Variants in BTBD6 observed in about 807,000 individuals in gnomAD.
BTBD6 encodes the protein BTB/POZ domain-containing protein 6.
A neutral mutation model predicts 40.6 loss-of-function variants in BTBD6; 30 were observed. The observed-to-expected ratio is 0.74, with a 90% CI of 0.55 to 1.00. BTBD6 has a LOEUF of 1.00. Ranked by LOEUF, BTBD6 falls within the 50% of genes least tolerant of loss-of-function variation. The probability of loss-of-function intolerance (pLI) is 0.00; values close to 1 mark genes in which losing one functional copy is unlikely to be tolerated. For missense variants in BTBD6, 698 were observed against 694.6 expected, an observed-to-expected ratio of 1.00 and a Z score of -0.06; for synonymous variants, 378 against 308.7, an observed-to-expected ratio of 1.22 and a Z score of -2.35.
In BTBD6 at chr14:105,249,217, G is replaced by T. The variant is rs770427024; in HGVS notation, c.435G>T (p.Pro145=). 1.3e-6 allele frequency: 2 copies of T among 1,587,348 alleles called. No individual in the cohort carries two copies. Among genetic ancestry groups the T allele is most frequent in the Non-Finnish European group, 1.7e-6 (2 of 1,173,414 alleles). ...ACGTGCACTTCGTCGTGGGGCCCCC[G>T]GGGGCGACCAGGACGGTGCCCGCCC... The part of the protein sequence containing the change: ...MADVHFVVGP[P]GATRTVPAHK... Residue 145 remains proline, a synonymous_variant, in exon 2 of 4, where the codon CCG becomes CCT. Transcript: ENST00000392554.
rs2140290366 is a variant in BTBD6, at chr14:105,249,734, G to A, written c.679G>A (p.Ala227Thr). The A allele has an allele frequency of 1.2e-6, 2 of 1,613,932 alleles. No homozygotes were observed. Among genetic ancestry groups the A allele is most frequent in the Non-Finnish European group, 1.7e-6 (2 of 1,180,026 alleles). Residue 227 changes from alanine (A) to threonine (T), a missense_variant, in exon 4 of 4, where the codon GCC (alanine) becomes ACC (threonine). Physicochemically the swap from Ala to Thr is moderately conservative, Grantham distance 58. Coordinates refer to ENST00000392554, the MANE Select transcript of BTBD6 (RefSeq NM_001387567.1). ...KKYIVPALAK[A>T]CVNFLETSLE... ...GTACATCGTCCCAGCATTGGCAAAA[G>A]CCTGTGTCAACTTTCTGGAGACAAG... is the stretch of plus-strand genomic sequence containing the variant.
chr14:105,250,141 C>G lies in BTBD6; in HGVS notation c.1086C>G (p.His362Gln), dbSNP rs1373733759. 3 of 1,613,012 alleles carry G rather than the reference C, an allele frequency of 1.9e-6. No individual in the cohort carries two copies. The highest frequency in any genetic ancestry group is 4.5e-5 in the East Asian group (2 of 44,884). ...ACATCCTGACTCTGGAGGAGACCCACAGCATCTTCCTGTGGTACACGGCCA... is the reference window on the plus strand; with the variant it reads ...ACATCCTGACTCTGGAGGAGACCCAGAGCATCTTCCTGTGGTACACGGCCA... ...QSDILTLEET[H>Q]SIFLWYTATN... The change falls in exon 4 of 4, where the codon CAC (histidine) becomes CAG (glutamine). Residue 362 changes from histidine to glutamine, a missense_variant. Transcript: ENST00000392554.
In BTBD6 at chr14:105,249,942, C is replaced by G. The variant is rs2140291976; in HGVS notation, c.887C>G (p.Thr296Ser). 1.2e-6 allele frequency: 2 copies of G among 1,611,858 alleles called. No homozygotes were observed. Among genetic ancestry groups the G allele is most frequent in the East Asian group, 4.5e-5 (2 of 44,882 alleles). The change falls in exon 4 of 4, where the codon ACC (threonine) becomes AGC (serine). Residue 296 changes from threonine (T) to serine (S), a missense_variant. Transcript: ENST00000392554. ...ATTGTCACTCGGGAGGCCCTCAACA[C>G]CAAAGAGGCGGTGGTCTTCGAGGCC... is the stretch of plus-strand genomic sequence containing the variant. ...EIIVTREALNTKEAVVFEAVL... is the reference protein window; with the variant it reads ...EIIVTREALNSKEAVVFEAVL...
In BTBD6 at chr14:105,248,597, C is replaced by A. The variant is rs1394309835; in HGVS notation, c.-115C>A. 3 of 951,604 alleles carry A rather than the reference C, an allele frequency of 3.2e-6. No homozygotes were observed. The highest frequency in any genetic ancestry group is 4.8e-5 in the South Asian group (1 of 20,908). The allele number at this position is 951,604 out of a possible 1,614,324, so 58.9% of individuals were successfully genotyped here. A position where few individuals can be genotyped will look rare whatever the true frequency, so the allele number is the denominator to read the frequency against. The stretch of plus-strand genomic sequence containing the variant: ...GGCGGGCGGGCGGGCGGGACGGCGC[C>A]CCCCGCGGCCGGGCCTGGCCGGGCT... On this transcript the variant is annotated 5_prime_UTR_variant, in exon 1 of 4. Transcript: ENST00000392554.
In BTBD6 at chr14:105,248,668, G is replaced by T; in HGVS notation, c.-44G>T. On this transcript the variant is annotated 5_prime_UTR_variant, in exon 1 of 4. Transcript: ENST00000392554. ...AGGGTCGCAGGGGCGGGGGTGGCAG[G>T]GGAGCGGGTGGCAGCCCCGCGGGTC... The T allele has an allele frequency of 1.0e-6, 1 of 981,474 alleles. No individual in the cohort carries two copies. Among genetic ancestry groups the T allele is most frequent in the African/African-American group, 1.8e-5 (1 of 56,882 alleles). 60.8% of individuals were successfully genotyped at this position (981,474 alleles called of 1,614,324 possible).
chr14:105,248,982 CCCGCGCCAGCGCCG>C lies in BTBD6; in HGVS notation c.276_289del (p.Pro93AlafsTer82). ...CGGGCCGCGCAGCCCGCCCAGCGCC[CCCGCGCCAGCGCCG>C]CCGCCGCCCGCGCCCGCGCCGCCCA... is the stretch of plus-strand genomic sequence containing the variant. On this transcript the variant is annotated frameshift_variant, in exon 1 of 4. Transcript: ENST00000392554. LOFTEE classifies it high-confidence loss of function. 5.1e-6 allele frequency: 5 copies of C among 986,472 alleles called. No homozygotes were observed. Among genetic ancestry groups the C allele is most frequent in the Non-Finnish European group, 6.0e-6 (5 of 831,556 alleles). 61.1% of individuals were successfully genotyped at this position (986,472 alleles called of 1,614,324 possible).
In BTBD6 at chr14:105,249,034, A is replaced by G; in HGVS notation, c.323A>G (p.Asn108Ser). ...PAPAPPTLGN[N>S]HQESPGWRCC... ...CCCGCGCCGCCCACACTCGGCAACA[A>G]CCACCAGGAGAGCCCCGGCTGGCGG... Residue 108 changes from asparagine to serine, a missense_variant, in exon 1 of 4, where the codon AAC (asparagine) becomes AGC (serine). Coordinates refer to ENST00000392554, the MANE Select transcript of BTBD6 (RefSeq NM_001387567.1). 1 of 1,213,144 alleles carries G rather than the reference A, an allele frequency of 8.2e-7. No individual in the cohort carries two copies. Among genetic ancestry groups the G allele is most frequent in the Non-Finnish European group, 1.0e-6 (1 of 979,882 alleles). 75.1% of individuals were successfully genotyped at this position (1,213,144 alleles called of 1,614,324 possible). A position where few individuals can be genotyped will look rare whatever the true frequency, so the allele number is the denominator to read the frequency against.
chr14:105,248,928 A>C lies in BTBD6; in HGVS notation c.217A>C (p.Asn73His). Residue 73 changes from asparagine to histidine, a missense_variant, in exon 1 of 4, where the codon AAC (asparagine) becomes CAC (histidine). By Grantham distance (68) the Asn-to-His change is moderately conservative. Transcript: ENST00000392554. ...SAAAADLANS[N>H]AGAAVGRKAG... ...CGCGGCCGCGGACCTAGCCAACAGC[A>C]ACGCCGGCGCCGCCGTGGGCAGGAA... The C allele has an allele frequency of 6.1e-6, 6 of 982,820 alleles. No individual in the cohort carries two copies. The highest frequency in any genetic ancestry group is 7.2e-6 in the Non-Finnish European group (6 of 830,844). 60.9% of individuals were successfully genotyped at this position (982,820 alleles called of 1,614,324 possible).
Position 105,250,483 on chromosome 14 carries a change from G to C in BTBD6, c.1428G>C (p.Gln476His). ...CGGTCTGGTTTGAACACCCGGTCCA[G>C]GTTGAACAAGACACCTTCTACACGG... ...TFPVWFEHPV[Q>H]VEQDTFYTAS... is the part of the protein sequence containing the mutation. Residue 476 changes from glutamine to histidine, a missense_variant, in exon 4 of 4, where the codon CAG becomes CAC. Physicochemically the swap from Gln to His is conservative, Grantham distance 24. Transcript: ENST00000392554. The C allele has an allele frequency of 6.2e-7, 1 of 1,614,036 alleles. No individual in the cohort carries two copies. Among genetic ancestry groups the C allele is most frequent in the South Asian group, 1.1e-5 (1 of 91,082 alleles).
Position 105,250,723 on chromosome 14 carries a change from A to C in BTBD6, c.*51A>C. 6.5e-7 allele frequency: 1 copy of C among 1,536,762 alleles called. No individual in the cohort carries two copies. Among genetic ancestry groups the C allele is most frequent in the East Asian group, 2.3e-5 (1 of 44,156 alleles). On this transcript the variant is annotated 3_prime_UTR_variant, in exon 4 of 4. Transcript: ENST00000392554. ...CAGCGAGTGAGTGGAGGGGAAGTCA[A>C]GATGCTAACTGCTTCTTGACACCAT...
At position 105,250,135 on chromosome 14, in the gene BTBD6, G is replaced by C; in HGVS notation, c.1080G>C (p.Glu360Asp). 6.2e-7 allele frequency: 1 copy of C among 1,613,002 alleles called. No homozygotes were observed. The highest frequency in any genetic ancestry group is 8.5e-7 in the Non-Finnish European group (1 of 1,180,044). Residue 360 changes from glutamate (E) to aspartate (D), a missense_variant, in exon 4 of 4, where the codon GAG (glutamate) becomes GAC (aspartate). By Grantham distance (45) the Glu-to-Asp change is conservative. Transcript: ENST00000392554. ...AGTCAGACATCCTGACTCTGGAGGAGACCCACAGCATCTTCCTGTGGTACA... is the reference window on the plus strand; with the variant it reads ...AGTCAGACATCCTGACTCTGGAGGACACCCACAGCATCTTCCTGTGGTACA... ...AAQSDILTLE[E>D]THSIFLWYTA...
Position 105,248,653 on chromosome 14 carries a change from G to T in BTBD6, c.-59G>T. On this transcript the variant is annotated 5_prime_UTR_variant, in exon 1 of 4. Coordinates refer to ENST00000392554, the MANE Select transcript of BTBD6 (RefSeq NM_001387567.1). ...AGGCTGGGCTCGGGCAGGGTCGCAG[G>T]GGCGGGGGTGGCAGGGGAGCGGGTG... 1 of 980,826 alleles carries T rather than the reference G, an allele frequency of 1.0e-6. No individual in the cohort carries two copies. The highest frequency in any genetic ancestry group is 1.8e-5 in the African/African-American group (1 of 56,798). 60.8% of individuals were successfully genotyped at this position (980,826 alleles called of 1,614,324 possible).
In BTBD6 at chr14:105,250,765, C is replaced by CT. The variant is rs1207118524; in HGVS notation, c.*96dup. 1.1e-5 allele frequency: 14 copies of CT among 1,274,776 alleles called. No individual in the cohort carries two copies. Among genetic ancestry groups the CT allele is most frequent in the Non-Finnish European group, 1.3e-5 (12 of 924,356 alleles). The allele number at this position is 1,274,776 out of a possible 1,614,324, so 79.0% of individuals were successfully genotyped here. A position where few individuals can be genotyped will look rare whatever the true frequency, so the allele number is the denominator to read the frequency against. On this transcript the variant is annotated 3_prime_UTR_variant, in exon 4 of 4. Coordinates refer to ENST00000392554, the MANE Select transcript of BTBD6 (RefSeq NM_001387567.1). Reference sequence around the variant, plus strand: ...TGACACCATGAAAGGCTGCTCTTAACTTTGTCTCTCTTTGACATGTAGTCA... The same window carrying CT: ...TGACACCATGAAAGGCTGCTCTTAACTTTTGTCTCTCTTTGACATGTAGTCA...
intron 3 of BTBD6, 52 bp from the exon 4 acceptor site, chr14:105,249,588 C>T: frequency 6.3e-7 from 1 of 1,585,984 alleles, no homozygotes; most frequent in African/African-American, 1.3e-5. Context: ...AGGCCCAGCC[C>T]CGCGATGGGT....
Position 105,249,729 on chromosome 14 carries a change from C to G in BTBD6, c.674C>G (p.Ala225Gly). Residue 225 changes from alanine (A) to glycine (G), a missense_variant, in exon 4 of 4, where the codon GCA becomes GGA. By Grantham distance (60) the Ala-to-Gly change is moderately conservative. Transcript: ENST00000392554. ...AAKKYIVPALAKACVNFLETS... is the reference protein window; with the variant it reads ...AAKKYIVPALGKACVNFLETS... ...AAGAAGTACATCGTCCCAGCATTGG[C>G]AAAAGCCTGTGTCAACTTTCTGGAG... The G allele has an allele frequency of 6.2e-7, 1 of 1,613,906 alleles. No homozygotes were observed.
Position 105,249,760 on chromosome 14 carries a change from T to C in BTBD6, c.705T>C (p.Ser235=). Residue 235 remains serine, a synonymous_variant, in exon 4 of 4, where the codon AGT becomes AGC. Coordinates refer to ENST00000392554, the MANE Select transcript of BTBD6 (RefSeq NM_001387567.1). ...CCTGTGTCAACTTTCTGGAGACAAGTTTGGAAGCCAAGAACGCCTGCGTCC... is the reference window on the plus strand; with the variant it reads ...CCTGTGTCAACTTTCTGGAGACAAGCTTGGAAGCCAAGAACGCCTGCGTCC... ...AKACVNFLET[S]LEAKNACVLL... 3 of 1,613,894 alleles carry C rather than the reference T, an allele frequency of 1.9e-6. No individual in the cohort carries two copies. In the South Asian group the frequency reaches 3.3e-5, roughly 18 times the overall value.
rs1216723525 is a variant in BTBD6, at chr14:105,249,687, C to T, written c.632C>T (p.Ala211Val). 2 of 1,613,526 alleles carry T rather than the reference C, an allele frequency of 1.2e-6. No homozygotes were observed. The highest frequency in any genetic ancestry group is 1.7e-6 in the Non-Finnish European group (2 of 1,179,986). Reference sequence around the variant, plus strand: ...GATCTGGAAGCCGACACGGTGCTGGCCACTCTGTACGCTGCTAAGAAGTAC... The same window carrying T: ...GATCTGGAAGCCGACACGGTGCTGGTCACTCTGTACGCTGCTAAGAAGTAC... Reference protein sequence around the residue: ...EIDLEADTVLATLYAAKKYIV... With the variant: ...EIDLEADTVLVTLYAAKKYIV... The change falls in exon 4 of 4, where the codon GCC (alanine) becomes GTC (valine). Residue 211 changes from alanine to valine, a missense_variant. Physicochemically the swap from Ala to Val is moderately conservative, Grantham distance 64. Transcript: ENST00000392554.
In BTBD6 at chr14:105,248,606, C is replaced by T; in HGVS notation, c.-106C>T. On this transcript the variant is annotated 5_prime_UTR_variant, in exon 1 of 4. Coordinates refer to ENST00000392554, the MANE Select transcript of BTBD6 (RefSeq NM_001387567.1). ...GCGGGCGGGACGGCGCCCCCCGCGG[C>T]CGGGCCTGGCCGGGCTGCGCTAGGC... 1 of 973,756 alleles carries T rather than the reference C, an allele frequency of 1.0e-6. No individual in the cohort carries two copies. Among genetic ancestry groups the T allele is most frequent in the Non-Finnish European group, 1.2e-6 (1 of 822,916 alleles). The allele number at this position is 973,756 out of a possible 1,614,324, so 60.3% of individuals were successfully genotyped here. A position where few individuals can be genotyped will look rare whatever the true frequency, so the allele number is the denominator to read the frequency against.
rs1165699455 is a variant in BTBD6 at position 105,248,890 on chromosome 14, C to G, written c.179C>G (p.Ala60Gly). The change falls in exon 1 of 4, where the codon GCT becomes GGT. Residue 60 changes from alanine to glycine, a missense_variant. By Grantham distance (60) the Ala-to-Gly change is moderately conservative (BLOSUM62 0). Coordinates refer to ENST00000392554, the MANE Select transcript of BTBD6 (RefSeq NM_001387567.1). ...PPAKMAAELYAPASAAAADLA... is the reference protein window; with the variant it reads ...PPAKMAAELYGPASAAAADLA... ...GCGAAGATGGCGGCGGAACTCTACG[C>G]TCCCGCCAGCGCCGCGGCCGCGGAC... 48 of 987,970 alleles carry G rather than the reference C, an allele frequency of 4.9e-5. No homozygotes were observed. Among genetic ancestry groups the G allele is most frequent in the African/African-American group, 3.5e-5 (2 of 56,500 alleles). 61.2% of individuals were successfully genotyped at this position (987,970 alleles called of 1,614,324 possible).
Sources: gnomAD v4.1 joint callset for allele counts on GRCh38, gnomAD v4.1.1 for gene constraint, MANE v1.5 for transcripts, NCBI Gene and HGNC (gene_info 2026-07-23, HGNC 2026-07-21) for gene names.